The following NRXN1 variants were observed in gnomAD, a reference collection of about 807,000 sequenced individuals.
NRXN1 encodes the protein neurexin 1, also known as neurexin-1.
A neutral mutation model predicts 150.9 loss-of-function variants in NRXN1; 39 were observed. The observed-to-expected ratio is 0.26, with a 90% CI of 0.20 to 0.34. The LOEUF (loss-of-function observed/expected upper bound fraction) is 0.34. Ranked by LOEUF, NRXN1 falls within the 10% of genes least tolerant of loss-of-function variation. The pLI is 1.00. For synonymous variants in NRXN1, 924 were observed against 757.0 expected (o/e 1.22, Z -3.62); for missense variants, 1,815 against 1,949.9 (o/e 0.93, Z 1.30).
chr2:50,301,106 G>C (rs569445657), intron 17 of NRXN1, among the ~76,000 whole-genome samples: 1 of 152,306 alleles, frequency 6.6e-6, no homozygotes, highest in South Asian at 2.1e-4. Context: ...CATCTCACTT[G>C]TTCAGATCTG....
In NRXN1 at chr2:50,337,638, AT is replaced by A. The variant is rs1575136625; in HGVS notation, c.3365-100669del. On this transcript the variant is annotated intron_variant, in intron 17 of 22. Transcript: ENST00000401669. ...CAATAACTAAATGATATAATTGGCC[AT>A]TTACTACCATTTTATGTGCTCTAGT... is the stretch of plus-strand genomic sequence containing the variant. Among the ~76,000 whole-genome samples the A allele has an allele frequency of 2.0e-5, 3 of 152,190 alleles. No homozygotes were observed. The East Asian group carries it at 5.8e-4, about 29-fold the overall frequency.
intron 5 of NRXN1, among the ~76,000 whole-genome samples, chr2:50,658,747 C>T (rs1032881550): frequency 1.3e-5 from 2 of 151,932 alleles, no homozygotes; most frequent in African/African-American, 4.8e-5. Flanking sequence ...AAATTAACAT[C>T]ATTTCCTCTT....
intron 19 of NRXN1, among the ~76,000 whole-genome samples, chr2:50,079,530 G>A (rs1458391350): frequency 6.6e-6 from 1 of 151,864 alleles, no homozygotes; most frequent in African/African-American, 2.4e-5. Context: ...TATGAACTTT[G>A]AATAGTGCCC....
At chr2:50,871,775 T>A (rs1240082104) in intron 5 of NRXN1, among the ~76,000 whole-genome samples, 3 of 151,784 alleles carry the variant, frequency 2.0e-5, no homozygotes, top group Non-Finnish European at 4.4e-5. Context: ...TTTAGAAAAA[T>A]TCACTTAGTT....
At chr2:49,973,961 A>C (rs754854913) in intron 21 of NRXN1, 7 of 717,050 alleles carry the variant, frequency 9.8e-6, no homozygotes, top group East Asian at 2.7e-5. Context: ...GTGACAGAAG[A>C]AGCTACCTGC....
intron 21 of NRXN1, chr2:50,022,821 C>T (rs1162683352): frequency 6.6e-6 from 1 of 152,164 alleles, no homozygotes; most frequent in Non-Finnish European, 1.5e-5. Context: ...TATCAAGACA[C>T]AACAATGTTA....
intron 21 of NRXN1, among the ~76,000 whole-genome samples, chr2:50,014,504 C>T (rs939912470): frequency 7.2e-5 from 11 of 152,108 alleles, no homozygotes; most frequent in African/African-American, 2.2e-4. Flanking sequence ...CCAGTAATCA[C>T]ACCAAAACAT....
chr2:50,258,257 AT>A (rs2067909767), intron 17 of NRXN1, among the ~76,000 whole-genome samples: 1 of 152,062 alleles, frequency 6.6e-6, no homozygotes, highest in African/African-American at 2.4e-5. Context: ...TTCTTTCAAA[AT>A]TTGAGTCAAT....
intron 2 of NRXN1, among the ~76,000 whole-genome samples, chr2:51,013,583 A>T (rs928828807): frequency 6.6e-6 from 1 of 151,930 alleles, no homozygotes; most frequent in African/African-American, 2.4e-5. Flanking sequence ...TTATTTACAT[A>T]ACTACAGAAC....
At chr2:50,748,138 G>A (rs368934022) in intron 5 of NRXN1, among the ~76,000 whole-genome samples, 11 of 152,152 alleles carry the variant, frequency 7.2e-5, no homozygotes, top group African/African-American at 2.4e-4. Context: ...AGTTTAGTGC[G>A]ATATCAGAGG....
At chr2:50,056,292 T>A (rs1386971437) in intron 19 of NRXN1, among the ~76,000 whole-genome samples, 7 of 152,108 alleles carry the variant, frequency 4.6e-5, no homozygotes, top group African/African-American at 1.7e-4. Context: ...TTATAATACA[T>A]TATACTTACC....
intron 17 of NRXN1, among the ~76,000 whole-genome samples, chr2:50,430,441 G>A (rs1379840656): frequency 2.0e-5 from 3 of 152,146 alleles, no homozygotes; most frequent in South Asian, 2.1e-4. Context: ...ATAGTCATTC[G>A]CCACATGTGA....
chr2:50,437,207 G>T (rs1033491615), intron 17 of NRXN1, among the ~76,000 whole-genome samples: 1 of 152,190 alleles, frequency 6.6e-6, no homozygotes, highest in East Asian at 1.9e-4. Context: ...TAAGTAAGCA[G>T]TATAAATACA....
intron 5 of NRXN1, among the ~76,000 whole-genome samples, 192 bp from the exon 6 acceptor site, chr2:50,623,807 T>G (rs1348696413): frequency 6.6e-6 from 1 of 152,072 alleles, no homozygotes; most frequent in African/African-American, 2.4e-5. Context: ...TTATTATACT[T>G]TAAGTTTTAG....
intron 19 of NRXN1, among the ~76,000 whole-genome samples, chr2:50,072,621 G>C: frequency 6.8e-6 from 1 of 146,308 alleles, no homozygotes; most frequent in Non-Finnish European, 1.5e-5. Context: ...AAATAAAACA[G>C]CAACTTTCAC....
chr2:50,294,495 C>G (rs1457906361), intron 17 of NRXN1, among the ~76,000 whole-genome samples: 1 of 152,136 alleles, frequency 6.6e-6, no homozygotes, highest in Non-Finnish European at 1.5e-5. Context: ...TTACTATATG[C>G]TAAGAACTGA....
chr2:50,176,190 G>A (rs924476206), intron 18 of NRXN1, among the ~76,000 whole-genome samples: 1 of 152,100 alleles, frequency 6.6e-6, no homozygotes, highest in Non-Finnish European at 1.5e-5. Context: ...CTTGATATAT[G>A]TTTTTCAGCC....
Position 50,153,573 on chromosome 2 carries a change from T to C in NRXN1, c.3547-62079A>G, listed in dbSNP as rs1198377998. Among the ~76,000 whole-genome samples, 5 of 151,876 alleles carry C rather than the reference T, an allele frequency of 3.3e-5. No homozygotes were observed. The East Asian group carries it at 7.8e-4, about 24-fold the overall frequency. On this transcript the variant is annotated intron_variant, in intron 18 of 22. Transcript: ENST00000401669. ...CAGGGATCAGCCTGAGCTATAAATTTGAGGTCTTCTCAAGTTTATTCTGGG... is the reference window on the plus strand; with the variant it reads ...CAGGGATCAGCCTGAGCTATAAATTCGAGGTCTTCTCAAGTTTATTCTGGG...
chr2:50,344,068 T>C (rs1263880564), intron 17 of NRXN1, among the ~76,000 whole-genome samples: 1 of 152,166 alleles, frequency 6.6e-6, no homozygotes, highest in Admixed American at 6.5e-5. Flanking sequence ...TCTTTACTTG[T>C]GGGTCCTTTG....
Sources: allele counts gnomAD v4.1 joint callset (sites outside exome capture counted in the v4.1 genomes callset), GRCh38; gene constraint gnomAD v4.1.1; transcripts MANE v1.5; gene names NCBI Gene and HGNC (gene_info 2026-07-23, HGNC 2026-07-21).